Variants in STYXL2 observed in about 807,000 individuals in gnomAD.
STYXL2 encodes serine/threonine/tyrosine interacting like 2, also known as serine/threonine/tyrosine-interacting-like protein 2.
Under a neutral mutation model 52.4 loss-of-function variants are expected in STYXL2, and 44 were observed. That is an observed-to-expected ratio of 0.84 (90% CI 0.66 to 1.08). The LOEUF (loss-of-function observed/expected upper bound fraction) is 1.08. Ranked by LOEUF, STYXL2 falls within the 50% of genes least tolerant of loss-of-function variation. STYXL2 has a pLI of 0.00. For synonymous variants in STYXL2, 604 were observed against 586.9 expected (o/e 1.03, Z -0.42); for missense variants, 1,604 against 1,471.7 (o/e 1.09, Z -1.47).
chr1:167,098,035 C>T (rs971802300), intron 2 of STYXL2, among the ~76,000 whole-genome samples: 6 of 103,268 alleles, frequency 5.8e-5, no homozygotes, highest in East Asian at 6.2e-4. Flanking sequence ...TTTTTTGAGA[C>T]GGAGTCTCGC....
In STYXL2 at chr1:167,127,107, T is replaced by C. The variant is rs1337698048; in HGVS notation, c.1976T>C (p.Leu659Pro). ...TCCACGGCCAGCGGGAGCATTCCCC[T>C]GTCTGCGTTCTGGTCTGCAGACCCC... ...DSSTASGSIP[L>P]SAFWSADPSV... Residue 659 changes from leucine to proline, a missense_variant, in exon 6 of 6, where the codon CTG becomes CCG. By Grantham distance (98) the Leu-to-Pro change is moderately conservative. Coordinates refer to ENST00000361200, the MANE Select transcript of STYXL2 (RefSeq NM_001080426.3). 6.2e-7 allele frequency: 1 copy of C among 1,613,976 alleles called. No individual in the cohort carries two copies. Among genetic ancestry groups the C allele is most frequent in the African/African-American group, 1.3e-5 (1 of 75,054 alleles).
At chr1:167,096,261 A>G (rs35990083) in intron 2 of STYXL2, among the ~76,000 whole-genome samples, 6,857 of 152,200 alleles carry the variant, frequency 0.045, 172 homozygotes, top group African/African-American at 0.062. Context: ...CCATCTCAAA[A>G]AAAAAGAAAA....
intron 2 of STYXL2, among the ~76,000 whole-genome samples, chr1:167,104,893 A>C (rs187409807): frequency 6.6e-6 from 1 of 152,220 alleles, no homozygotes; most frequent in African/African-American, 2.4e-5. Flanking sequence ...AAGGACCCCA[A>C]TTCCACTACA....
intron 2 of STYXL2, among the ~76,000 whole-genome samples, chr1:167,106,814 T>G (rs966319469): frequency 6.6e-6 from 1 of 152,216 alleles, no homozygotes; most frequent in Non-Finnish European, 1.5e-5. Flanking sequence ...CATATTTGCC[T>G]CAGTCACTGA....
intron 5 of STYXL2, among the ~76,000 whole-genome samples, chr1:167,124,213 T>C (rs976424348): frequency 6.6e-6 from 1 of 152,196 alleles, no homozygotes; most frequent in African/African-American, 2.4e-5. Flanking sequence ...CCCTGGCCTG[T>C]GGCTTTGACT....
intron 4 of STYXL2, among the ~76,000 whole-genome samples, chr1:167,118,845 G>A (rs934964263): frequency 6.6e-6 from 1 of 152,218 alleles, no homozygotes; most frequent in Non-Finnish European, 1.5e-5. Flanking sequence ...TAATGCATGT[G>A]AAAGGATTTT....
chr1:167,127,056 C>T lies in STYXL2; in HGVS notation c.1925C>T (p.Ser642Phe). Residue 642 changes from serine to phenylalanine, a missense_variant, in exon 6 of 6, where the codon TCT (serine) becomes TTT (phenylalanine). Transcript: ENST00000361200. ...RSRQTLEESQ[S>F]MASWEADSST... ...CGGCAGACGCTGGAGGAGAGCCAGT[C>T]TATGGCAAGCTGGGAGGCGGACAGC... 1 of 1,611,506 alleles carries T rather than the reference C, an allele frequency of 6.2e-7. No homozygotes were observed. The highest frequency in any genetic ancestry group is 2.2e-5 in the East Asian group (1 of 44,820).
intron 2 of STYXL2, among the ~76,000 whole-genome samples, chr1:167,103,925 T>A (rs1667453829): frequency 6.6e-6 from 1 of 152,030 alleles, no homozygotes; most frequent in Non-Finnish European, 1.5e-5. Context: ...ATCGAGACCA[T>A]CCTGGCTAAC....
intron 5 of STYXL2, among the ~76,000 whole-genome samples, chr1:167,124,946 TA>T (rs10531474): frequency 0.42 from 54,281 of 129,572 alleles, 10,849 homozygotes; most frequent in Non-Finnish European, 0.49. Flanking sequence ...TACAAACTCC[TA>T]AAAAAAAAAA....
rs376593703 is a variant in STYXL2 at position 167,127,159 on chromosome 1, G to A, written c.2028G>A (p.Thr676=). The change falls in exon 6 of 6, where the codon ACG becomes ACA. Residue 676 remains threonine, a synonymous_variant. Transcript: ENST00000361200. ...DPSVSADGDT[T]SVLSTQSHRS... ...CAGTCAGCGCTGATGGGGACACGAC[G>A]TCAGTACTGAGCACCCAGAGCCACC... 69 of 1,614,018 alleles carry A rather than the reference G, an allele frequency of 4.3e-5. No homozygotes were observed. The highest frequency in any genetic ancestry group is 6.6e-5 in the South Asian group (6 of 91,086).
In STYXL2 at chr1:167,127,801, C is replaced by G; in HGVS notation, c.2670C>G (p.Asp890Glu). Reference protein sequence around the residue: ...DGVGDGDEDTDSAIGSFRYSS... With the variant: ...DGVGDGDEDTESAIGSFRYSS... The stretch of plus-strand genomic sequence containing the variant: ...TGGGTGATGGGGATGAGGACACTGA[C>G]AGTGCCATAGGGAGCTTCCGATATT... Residue 890 changes from aspartate to glutamate, a missense_variant, in exon 6 of 6, where the codon GAC becomes GAG. Physicochemically the swap from Asp to Glu is conservative, Grantham distance 45. Coordinates refer to ENST00000361200, the MANE Select transcript of STYXL2 (RefSeq NM_001080426.3). 6.2e-7 allele frequency: 1 copy of G among 1,613,876 alleles called. No individual in the cohort carries two copies. Among genetic ancestry groups the G allele is most frequent in the Non-Finnish European group, 8.5e-7 (1 of 1,180,008 alleles).
In STYXL2 at chr1:167,126,249, G is replaced by T; in HGVS notation, c.1118G>T (p.Arg373Leu). Residue 373 changes from arginine to leucine, a missense_variant, in exon 6 of 6, where the codon CGC becomes CTC. Physicochemically the swap from Arg to Leu is moderately radical, Grantham distance 102 (BLOSUM62 -2). Transcript: ENST00000361200. ...DKVPQDGGGW[R>L]SASSGQGGEE... ...GTCCCCCAGGATGGAGGTGGCTGGC[G>T]CTCAGCCTCCTCTGGCCAGGGTGGG... The T allele has an allele frequency of 2.6e-6, 4 of 1,543,794 alleles. No homozygotes were observed. The highest frequency in any genetic ancestry group is 2.6e-6 in the Non-Finnish European group (3 of 1,148,716).
intron 4 of STYXL2, among the ~76,000 whole-genome samples, chr1:167,117,879 C>A (rs899098478): frequency 2.0e-5 from 3 of 152,188 alleles, no homozygotes; most frequent in African/African-American, 7.2e-5. Flanking sequence ...TCTGTAGCTA[C>A]CACAGAACCG....
intron 3 of STYXL2, among the ~76,000 whole-genome samples, chr1:167,115,102 A>G (rs1347896401): frequency 6.6e-6 from 1 of 152,248 alleles, no homozygotes; most frequent in Non-Finnish European, 1.5e-5. Context: ...TCAAGTCTAT[A>G]GAATGCTATG....
At position 167,117,512 on chromosome 1, in the gene STYXL2, C is replaced by T. The variant is rs1303142549; in HGVS notation, c.390C>T (p.Pro130=). ...TGGTTCAGGATCGCCAAGAGGCGCC[C>T]TGGAATGAGGTGGATGAGGTCTGGC... is the stretch of plus-strand genomic sequence containing the variant. The part of the protein sequence containing the change: ...RALVQDRQEA[P]WNEVDEVWPN... The change falls in exon 4 of 6, where the codon CCC becomes CCT. Residue 130 remains proline (P), a synonymous_variant. Coordinates refer to ENST00000361200, the MANE Select transcript of STYXL2 (RefSeq NM_001080426.3). The T allele has an allele frequency of 1.2e-6, 2 of 1,610,474 alleles. No individual in the cohort carries two copies. Among genetic ancestry groups the T allele is most frequent in the South Asian group, 2.2e-5 (2 of 90,020 alleles).
At chr1:167,113,654 A>G (rs992651292) in intron 2 of STYXL2, 56 bp from the exon 3 acceptor site, 4 of 1,315,706 alleles carry the variant, frequency 3.0e-6, no homozygotes, top group Non-Finnish European at 4.4e-6. Flanking sequence ...ATCTAAAAGA[A>G]TGCCTTCAGT....
chr1:167,115,996 C>T (rs1484079244), intron 3 of STYXL2, among the ~76,000 whole-genome samples: 1 of 152,102 alleles, frequency 6.6e-6, no homozygotes, highest in African/African-American at 2.4e-5. Flanking sequence ...GGGGCTGGAC[C>T]AAGTCTACCT....
intron 2 of STYXL2, among the ~76,000 whole-genome samples, chr1:167,110,696 T>TCTACCTTGGTGACAGTGTTTC (rs1429811632): frequency 6.6e-6 from 1 of 152,200 alleles, no homozygotes; most frequent in African/African-American, 2.4e-5. Context: ...GATTGTGTTT[T>TCTACCTTGGTGACAGTGTTTC]CTACCTTGGT....
intron 4 of STYXL2, among the ~76,000 whole-genome samples, chr1:167,118,200 T>A (rs1423578616): frequency 6.6e-6 from 1 of 152,242 alleles, no homozygotes; most frequent in African/African-American, 2.4e-5. Context: ...ATCCAAAAAC[T>A]ATTATTTTCT....
Sources: gnomAD v4.1 joint callset for allele counts (sites outside exome capture counted in the v4.1 genomes callset) on GRCh38, gnomAD v4.1.1 for gene constraint, MANE v1.5 for transcripts, NCBI Gene and HGNC (gene_info 2026-07-23, HGNC 2026-07-21) for gene names.